The following ACCSL variants were observed in gnomAD, a reference collection of about 807,000 sequenced individuals.
The protein encoded by ACCSL is 1-aminocyclopropane-1-carboxylate synthase homolog (inactive) like.
ACCSL carries 55 observed loss-of-function variants against 61.7 expected under a neutral mutation model. The ratio of observed to expected loss-of-function variants is 0.89; its 90% CI spans 0.72 to 1.12. ACCSL has a LOEUF of 1.12. Among genes scored for constraint, ACCSL ranks in the 50% most tolerant of loss-of-function variants. The pLI is 0.00. For synonymous variants in ACCSL, 258 were observed against 264.3 expected, an observed-to-expected ratio of 0.98 and a Z score of 0.23; for missense variants, 632 against 698.0, an observed-to-expected ratio of 0.91 and a Z score of 1.07.
the ACCSL span, among the ~76,000 whole-genome samples, chr11:44,042,949 G>A: frequency 1.3e-5 from 2 of 151,746 alleles, no homozygotes; most frequent in African/African-American, 4.8e-5. Context: ...TGGGCATGGT[G>A]GTGTGTGCCT....
the ACCSL span, chr11:43,933,184 T>A: frequency 2.2e-6 from 1 of 456,280 alleles, no homozygotes; most frequent in Non-Finnish European, 4.4e-6. Context: ...ATCATGGTAC[T>A]GGCTCATGGT....
the ACCSL span, among the ~76,000 whole-genome samples, chr11:44,040,761 G>T: frequency 3.7e-4 from 57 of 152,044 alleles, no homozygotes; most frequent in Admixed American, 2.1e-3. Context: ...GATGCCTAGG[G>T]CTCCTGGGCC....
At chr11:44,021,949 G>T in the ACCSL span, among the ~76,000 whole-genome samples, 8 of 152,082 alleles carry the variant, frequency 5.3e-5, no homozygotes, top group Admixed American at 6.5e-5. Flanking sequence ...TTATTTCTGG[G>T]TTCTCTCTTC....
At chr11:44,046,233 C>T (rs926997985), upstream of ACCSL, among the ~76,000 whole-genome samples, 5 of 152,208 alleles carry the variant, frequency 3.3e-5, no homozygotes, top group Non-Finnish European at 7.4e-5. Flanking sequence ...CAATTTCTTT[C>T]TCATCAGTAT....
chr11:44,041,164 A>G, the ACCSL span, among the ~76,000 whole-genome samples: 1 of 152,230 alleles, frequency 6.6e-6, no homozygotes, highest in Non-Finnish European at 1.5e-5. Context: ...CCCCATGAAT[A>G]GTTTACGTCA....
the ACCSL span, among the ~76,000 whole-genome samples, chr11:44,015,094 G>T: frequency 3.5e-3 from 527 of 152,358 alleles, 4 homozygotes; most frequent in African/African-American, 0.012. Context: ...CCAAGTTGGT[G>T]ATGGAGTAGG....
chr11:43,962,190 T>G, the ACCSL span, among the ~76,000 whole-genome samples: 2 of 152,144 alleles, frequency 1.3e-5, no homozygotes, highest in African/African-American at 4.8e-5. Flanking sequence ...GGCGCTGCCA[T>G]AATGGAAACC....
At chr11:44,041,332 A>G in the ACCSL span, among the ~76,000 whole-genome samples, 1 of 152,230 alleles carries the variant, frequency 6.6e-6, no homozygotes, top group Non-Finnish European at 1.5e-5. Context: ...TGGGTCAGCT[A>G]GGTAGTCATT....
At chr11:43,952,919 C>A in the ACCSL span, among the ~76,000 whole-genome samples, 3 of 152,222 alleles carry the variant, frequency 2.0e-5, no homozygotes, top group Non-Finnish European at 4.4e-5. Context: ...TATTTGCCAA[C>A]TGAGGAACCT....
At chr11:43,984,833 G>A in the ACCSL span, among the ~76,000 whole-genome samples, 1 of 152,258 alleles carries the variant, frequency 6.6e-6, no homozygotes, top group African/African-American at 2.4e-5. Flanking sequence ...GGGTCTAGAT[G>A]CGGAGAGCAG....
chr11:43,970,494 A>G, the ACCSL span, among the ~76,000 whole-genome samples: 1 of 152,218 alleles, frequency 6.6e-6, no homozygotes, highest in South Asian at 2.1e-4. Flanking sequence ...GTGGGCAACC[A>G]TGCCTAGCCT....
the ACCSL span, among the ~76,000 whole-genome samples, chr11:43,979,676 G>A: frequency 3.3e-5 from 5 of 151,774 alleles, no homozygotes; most frequent in East Asian, 5.8e-4. Flanking sequence ...ATATTTGTTC[G>A]TCTCTACTAA....
At chr11:44,020,796 G>A in the ACCSL span, among the ~76,000 whole-genome samples, 3 of 149,816 alleles carry the variant, frequency 2.0e-5, no homozygotes, top group Non-Finnish European at 4.4e-5. Context: ...CATTTCCCCT[G>A]ACTCCCCAAA....
chr11:43,931,837 G>A, the ACCSL span, among the ~76,000 whole-genome samples: 1 of 152,162 alleles, frequency 6.6e-6, no homozygotes, highest in Non-Finnish European at 1.5e-5. Context: ...CTTCCACAGG[G>A]GGGCAACATC....
chr11:43,931,549 C>T, the ACCSL span, among the ~76,000 whole-genome samples: 3 of 152,136 alleles, frequency 2.0e-5, no homozygotes, highest in Non-Finnish European at 4.4e-5. Context: ...GGGTTTGCAT[C>T]CCAGTGCCAC....
chr11:44,033,468 AC>A, the ACCSL span, among the ~76,000 whole-genome samples: 1 of 151,962 alleles, frequency 6.6e-6, no homozygotes, highest in Admixed American at 6.6e-5. Context: ...CCAGATAGCA[AC>A]CCCTTCCCAG....
chr11:44,045,565 A>G (rs148547196), upstream of ACCSL, among the ~76,000 whole-genome samples: 395 of 152,226 alleles, frequency 2.6e-3, no homozygotes, highest in Middle Eastern at 0.034. Flanking sequence ...TCTCATTCAA[A>G]CTACTTTAAA....
At chr11:44,026,911 TAG>T in the ACCSL span, among the ~76,000 whole-genome samples, 10 of 152,318 alleles carry the variant, frequency 6.6e-5, 1 homozygote, top group South Asian at 4.1e-4. Flanking sequence ...GTATTTTTAG[TAG>T]AGACGGGTTT....
chr11:44,051,297 G>A (rs773712722), intron 3 of ACCSL, 38 bp from the exon 4 acceptor site: 29 of 1,610,294 alleles, frequency 1.8e-5, no homozygotes, highest in Non-Finnish European at 2.4e-5. Context: ...GAGGAAAGGG[G>A]CCCGGAAGCC....
Sources: allele counts gnomAD v4.1 joint callset (sites outside exome capture counted in the v4.1 genomes callset), GRCh38; gene constraint gnomAD v4.1.1; transcripts MANE v1.5; gene names NCBI Gene and HGNC (gene_info 2026-07-23, HGNC 2026-07-21).